Variants in DNAH17 observed in about 807,000 individuals in gnomAD.
The protein encoded by DNAH17 is axonemal beta dynein heavy chain 17.
In DNAH17, 376 loss-of-function variants were observed where a neutral mutation model predicts 485.6. The ratio of observed to expected loss-of-function variants is 0.77; its 90% CI spans 0.71 to 0.84. The LOEUF (loss-of-function observed/expected upper bound fraction) is 0.84, where lower values mean the gene tolerates loss of function less well. Ranked by LOEUF, DNAH17 falls within the 40% of genes least tolerant of loss-of-function variation. DNAH17 has a pLI of 0.00. For synonymous variants in DNAH17, 3,031 were observed against 2,405.9 expected (o/e 1.26, Z -7.60); for missense variants, 6,370 against 5,839.3 (o/e 1.09, Z -2.96).
intron 17 of DNAH17, among the ~76,000 whole-genome samples, chr17:78,543,312 C>G (rs2091654923): frequency 1.4e-5 from 2 of 143,414 alleles, no homozygotes; most frequent in African/African-American, 5.3e-5. Flanking sequence ...GAGACGGAGT[C>G]TCGCTCTGTC....
chr17:78,566,763 C>T, intron 10 of DNAH17, 33 bp from the exon 11 acceptor site: 3 of 1,538,432 alleles, frequency 2.0e-6, no homozygotes, highest in Non-Finnish European at 2.7e-6. Flanking sequence ...ACCTTGTAAT[C>T]AGCGTGCAAA....
At chr17:78,535,910 G>A (rs913029726) in intron 19 of DNAH17, among the ~76,000 whole-genome samples, 3 of 152,152 alleles carry the variant, frequency 2.0e-5, no homozygotes, top group African/African-American at 4.8e-5. Context: ...GGTCACTTAA[G>A]TCTTTTCAGA....
intron 1 of DNAH17, among the ~76,000 whole-genome samples, chr17:78,576,641 C>T (rs564315627): frequency 4.7e-4 from 71 of 152,204 alleles, no homozygotes; most frequent in African/African-American, 1.5e-3. Flanking sequence ...CAGGGGAGCC[C>T]GAGTCCTGGA....
intron 77 of DNAH17, 115 bp downstream of exon 77, chr17:78,428,410 G>A (rs1598433919): frequency 7.7e-6 from 10 of 1,295,518 alleles, no homozygotes; most frequent in East Asian, 5.0e-5. Context: ...CAAGGCTGGG[G>A]CAGAGTGTAC....
At chr17:78,465,057 C>T (rs1289086687) in intron 56 of DNAH17, among the ~76,000 whole-genome samples, 1 of 152,208 alleles carries the variant, frequency 6.6e-6, no homozygotes, top group Non-Finnish European at 1.5e-5. Context: ...TCTCCTGACT[C>T]AGCCTGCCCA....
Position 78,426,542 on chromosome 17 carries a change from G to GTGTC in DNAH17, c.12826_12829dup (p.Thr4277ArgfsTer5), listed in dbSNP as rs1431880749. 3 of 1,613,680 alleles carry GTGTC rather than the reference G, an allele frequency of 1.9e-6. No homozygotes were observed. The East Asian group carries it at 6.7e-5, about 36-fold the overall frequency. On this transcript the variant is annotated frameshift_variant, in exon 79 of 81. Coordinates refer to ENST00000389840, the MANE Select transcript of DNAH17 (RefSeq NM_173628.4). LOFTEE classifies it high-confidence loss of function. ...CCGGGCCACCCACGTATCAGGCACG[G>GTGTC]TGTCATAGAAGAGAGCCGTGGACAG...
At position 78,529,381 on chromosome 17, in the gene DNAH17, C is replaced by T. The variant is rs1598649054; in HGVS notation, c.3507+91G>A. 1.1e-5 allele frequency: 14 copies of T among 1,252,186 alleles called. No homozygotes were observed. In the East Asian group the frequency reaches 3.0e-4, roughly 27 times the overall value. The allele number at this position is 1,252,186 out of a possible 1,614,324, so 77.6% of individuals were successfully genotyped here. Reference sequence around the variant, plus strand: ...GAGAGGATCTAGCCCACAGCATCCCCCATGGTTGCGTTTGATGGGCTGGTC... The same window carrying T: ...GAGAGGATCTAGCCCACAGCATCCCTCATGGTTGCGTTTGATGGGCTGGTC... On this transcript the variant is annotated intron_variant, in intron 22 of 80. Coordinates refer to ENST00000389840, the MANE Select transcript of DNAH17 (RefSeq NM_173628.4).
intron 77 of DNAH17, chr17:78,428,183 G>A (rs1246369360): frequency 5.1e-6 from 2 of 388,816 alleles, no homozygotes; most frequent in East Asian, 6.0e-5. Context: ...TGCTGGCCAG[G>A]CCAGGGTGGG....
intron 37 of DNAH17, chr17:78,497,081 C>G (rs2090101660): frequency 6.6e-6 from 1 of 152,198 alleles, no homozygotes; most frequent in South Asian, 2.1e-4. Context: ...GGTTCCACTC[C>G]CAGCCCTTTT....
At chr17:78,475,865 G>A (rs113109233) in intron 52 of DNAH17, 32 bp from the exon 53 acceptor site, 23 of 1,604,332 alleles carry the variant, frequency 1.4e-5, no homozygotes, top group Non-Finnish European at 1.7e-5. Context: ...CGATACTTCC[G>A]GTTTTTGCCA....
Position 78,530,594 on chromosome 17 carries a change from TCCTGCACTGCA to T in DNAH17, c.3115-93_3115-83del, listed in dbSNP as rs149090952. 26,858 of 1,480,684 alleles carry T rather than the reference TCCTGCACTGCA, an allele frequency of 0.018. 597 individuals carry two copies. The highest frequency in any genetic ancestry group is 0.093 in the East Asian group (4,072 of 43,678). 91.7% of individuals were successfully genotyped at this position (1,480,684 alleles called of 1,614,324 possible). ...AGCACAGGGCCTCAGTCCAGGGCCTTCCTGCACTGCACCTGCGCTGCTCACCTGCCGGCCAC... is the reference window on the plus strand; with the variant it reads ...AGCACAGGGCCTCAGTCCAGGGCCTTCCTGCGCTGCTCACCTGCCGGCCAC... On this transcript the variant is annotated intron_variant, in intron 20 of 80. Transcript: ENST00000389840.
chr17:78,553,962 ATCT>A (rs1353552533), intron 14 of DNAH17, among the ~76,000 whole-genome samples: 3 of 151,722 alleles, frequency 2.0e-5, no homozygotes, highest in African/African-American at 7.3e-5. Context: ...AAAGCTCAAA[ATCT>A]TTTTTTTAAT....
chr17:78,546,670 C>T (rs1430424154), intron 16 of DNAH17, among the ~76,000 whole-genome samples: 2 of 152,184 alleles, frequency 1.3e-5, no homozygotes, highest in African/African-American at 2.4e-5. Context: ...CTTTGGCAGG[C>T]CAAGGCTGAT....
rs1160346604 is a variant in DNAH17 at position 78,459,903 on chromosome 17, G to T, written c.9534C>A (p.Ile3178=). The T allele has an allele frequency of 1.2e-6, 2 of 1,614,036 alleles. No homozygotes were observed. The highest frequency in any genetic ancestry group is 2.2e-5 in the South Asian group (2 of 91,092). Residue 3178 remains isoleucine, a synonymous_variant, in exon 60 of 81, where the codon ATC becomes ATA. Transcript: ENST00000389840. ...CCGCCTTCCAGCTCTTGTCCTTGGG[G>T]ATCTTGCCCCCAGGTGCGGTCAGAA... ...VMILTAPGGK[I]PKDKSWKAAK... is the part of the protein sequence containing the mutation.
intron 25 of DNAH17, among the ~76,000 whole-genome samples, chr17:78,516,691 GAA>G (rs1168693263): frequency 0.01 from 898 of 88,714 alleles, 13 homozygotes; most frequent in East Asian, 0.06. Context: ...CTCCATCTCA[GAA>G]AAAAAAAAAA....
rs748193696 is a variant in DNAH17 at position 78,495,107 on chromosome 17, T to C, written c.5904-10A>G. 6.3e-7 allele frequency: 1 copy of C among 1,596,090 alleles called. No individual in the cohort carries two copies. The highest frequency in any genetic ancestry group is 1.7e-5 in the Admixed American group (1 of 58,486). The stretch of plus-strand genomic sequence containing the variant: ...GACCATGGCACAGGGCCTGGGGAGG[T>C]CAGCGGTGCCTGTGGGCTTCTGCCC... On this transcript the variant is annotated splice_polypyrimidine_tract_variant and intron_variant, in intron 38 of 80. Transcript: ENST00000389840.
chr17:78,429,043 C>G, intron 76 of DNAH17, 78 bp downstream of exon 76: 2 of 1,487,790 alleles, frequency 1.3e-6, no homozygotes, highest in Non-Finnish European at 1.8e-6. Flanking sequence ...TATTGACACT[C>G]CATTTGTGCT....
Position 78,569,423 on chromosome 17 carries a change from G to A in DNAH17, c.1149C>T (p.Leu383=). Residue 383 remains leucine, a synonymous_variant, in exon 8 of 81, where the codon CTC becomes CTT. Coordinates refer to ENST00000389840, the MANE Select transcript of DNAH17 (RefSeq NM_173628.4). Reference sequence around the variant, plus strand: ...CGCAGCAGAAGTCGTACGTCTGGTAGAGCTCCTTCAGCACATTTACAGCCA... The same window carrying A: ...CGCAGCAGAAGTCGTACGTCTGGTAAAGCTCCTTCAGCACATTTACAGCCA... ...ISLAVNVLKE[L]YQTYDFCCVN... 6.2e-7 allele frequency: 1 copy of A among 1,612,792 alleles called. No individual in the cohort carries two copies. The highest frequency in any genetic ancestry group is 8.5e-7 in the Non-Finnish European group (1 of 1,179,374).
At chr17:78,425,295 A>C in intron 80 of DNAH17, 51 bp downstream of exon 80, 1 of 1,560,388 alleles carries the variant, frequency 6.4e-7, no homozygotes, top group Non-Finnish European at 8.8e-7. Flanking sequence ...TTGTCTTGGC[A>C]AGTAGCACTG....
Sources: gnomAD v4.1 joint callset for allele counts (sites outside exome capture counted in the v4.1 genomes callset) on GRCh38, gnomAD v4.1.1 for gene constraint, MANE v1.5 for transcripts, NCBI Gene and HGNC (gene_info 2026-07-23, HGNC 2026-07-21) for gene names.